PRKCH: variants seen among roughly 807,000 people sequenced by gnomAD.
PRKCH encodes protein kinase C eta.
Under a neutral mutation model 82.5 loss-of-function variants are expected in PRKCH, and 28 were observed. That is an observed-to-expected ratio of 0.34 (90% CI 0.25 to 0.47). PRKCH has a LOEUF of 0.47. Among genes scored for constraint, PRKCH ranks in the 20% least tolerant of loss-of-function variants. The pLI, the probability that PRKCH is intolerant of heterozygous loss-of-function variation, is 1.00. For synonymous variants in PRKCH, 322 were observed against 327.4 expected (o/e 0.98, Z 0.18); for missense variants, 705 against 881.8 (o/e 0.80, Z 2.54).
Position 61,328,256 on chromosome 14 carries a change from C to CAAAAAAAAA in PRKCH, c.363+5809_363+5817dup, listed in dbSNP as rs71117811. ...TGGGCAACAGAGCGAGACTCCGTCT[C>CAAAAAAAAA]AAAAAAAAAAAAAAAAAAAAAAAAA... On this transcript the variant is annotated intron_variant, in intron 1 of 13. Coordinates refer to ENST00000332981, the MANE Select transcript of PRKCH (RefSeq NM_006255.5). 1.2e-4 allele frequency among the ~76,000 whole-genome samples: 9 copies of CAAAAAAAAA among 74,370 alleles called. 1 individual carries two copies. The highest frequency in any genetic ancestry group is 2.4e-4 in the African/African-American group (4 of 16,394). 48.8% of individuals were successfully genotyped at this position (74,370 alleles called of 152,430 possible).
intron 2 of PRKCH, among the ~76,000 whole-genome samples, chr14:61,420,390 C>T (rs1882772238): frequency 6.6e-6 from 1 of 152,208 alleles, no homozygotes; most frequent in African/African-American, 2.4e-5. Context: ...AACTGTACCT[C>T]ATTTATGTGG....
intron 1 of PRKCH, among the ~76,000 whole-genome samples, chr14:61,237,630 CTCTT>C (rs545934831): frequency 1.0e-3 from 155 of 152,330 alleles, no homozygotes; most frequent in African/African-American, 3.6e-3. Flanking sequence ...TTTAGATAAA[CTCTT>C]TCAATCAATC....
intron 1 of PRKCH, among the ~76,000 whole-genome samples, chr14:61,272,344 C>CTTTTTTTTTTTTTTTTT (rs1162331604): frequency 4.2e-4 from 10 of 23,624 alleles, no homozygotes; most frequent in African/African-American, 8.9e-4. Context: ...TTTTTTCTTT[C>CTTTTTTTTTTTTTTTTT]TTTTTTTTTT....
chr14:61,340,120 G>C (rs1346164124), intron 1 of PRKCH, among the ~76,000 whole-genome samples: 4 of 151,568 alleles, frequency 2.6e-5, no homozygotes, highest in Admixed American at 2.6e-4. Context: ...CCTGACAGCT[G>C]TCTGCAGATG....
intron 1 of PRKCH, among the ~76,000 whole-genome samples, chr14:61,221,028 A>C (rs1280296716): frequency 6.6e-6 from 1 of 152,366 alleles, no homozygotes; most frequent in Middle Eastern, 3.4e-3. Context: ...TAAAAATTAC[A>C]TGCTGTGGTG....
intron 9 of PRKCH, among the ~76,000 whole-genome samples, chr14:61,464,082 T>A (rs1187050496): frequency 6.6e-6 from 1 of 152,222 alleles, no homozygotes; most frequent in East Asian, 1.9e-4. Flanking sequence ...TGGATGTATA[T>A]CCAGTATTGG....
chr14:61,321,879 G>T lies in PRKCH; in HGVS notation c.-223G>T, dbSNP rs2045629388. On this transcript the variant is annotated 5_prime_UTR_variant, in exon 1 of 14. Coordinates refer to ENST00000332981, the MANE Select transcript of PRKCH (RefSeq NM_006255.5). This position sits in a 1 kb window ranked among gnomAD's most constrained non-coding sequence, Gnocchi z 4.1. ...GGCTTCCCCGGCCCGCTGAGGGCTC[G>T]GCGGCGGGCTCCCCTCCTTTCCACC... The T allele has an allele frequency of 2.1e-6, 1 of 465,710 alleles. No homozygotes were observed. The highest frequency in any genetic ancestry group is 3.8e-6 in the Non-Finnish European group (1 of 260,540). The allele number at this position is 465,710 out of a possible 1,614,324, so 28.8% of individuals were successfully genotyped here.
At chr14:61,494,770 A>G (rs1296612640) in intron 10 of PRKCH, among the ~76,000 whole-genome samples, 1 of 152,256 alleles carries the variant, frequency 6.6e-6, no homozygotes, top group Admixed American at 6.5e-5. Context: ...GTAATTCTTC[A>G]TAGAAATTGG....
At position 61,453,530 on chromosome 14, in the gene PRKCH, C is replaced by CTCTT. The variant is rs200744396; in HGVS notation, c.960+190_960+193dup. On this transcript the variant is annotated intron_variant, in intron 7 of 13. Transcript: ENST00000332981. ...TCTTTCTTTTTTCTTTTCTTTCTTT[C>CTCTT]TCTTTCTTTCTTTCTTCCTTTCTTT... 0.02 allele frequency among the ~76,000 whole-genome samples: 3,010 copies of CTCTT among 150,322 alleles called. 189 individuals carry two copies. In the East Asian group the frequency reaches 0.26, roughly 13 times the overall value.
intron 7 of PRKCH, among the ~76,000 whole-genome samples, chr14:61,455,932 C>T (rs1201409157): frequency 1.3e-5 from 2 of 152,214 alleles, no homozygotes; most frequent in Admixed American, 1.3e-4. Flanking sequence ...GAAACTAGAA[C>T]TCTCATCATG....
chr14:61,395,225 C>G lies in PRKCH; in HGVS notation c.427+3937C>G, dbSNP rs999400754. Among the ~76,000 whole-genome samples, 5 of 151,406 alleles carry G rather than the reference C, an allele frequency of 3.3e-5. No homozygotes were observed. In the South Asian group the frequency reaches 8.4e-4, roughly 25 times the overall value. On this transcript the variant is annotated intron_variant, in intron 2 of 13. Transcript: ENST00000332981. Reference sequence around the variant, plus strand: ...CACGTTGCTGCTGCCTTTAAAACACCGCTCCCTTGTCACATGCAGAGGACG... The same window carrying G: ...CACGTTGCTGCTGCCTTTAAAACACGGCTCCCTTGTCACATGCAGAGGACG...
At chr14:61,426,528 A>T (rs1012651611) in intron 2 of PRKCH, among the ~76,000 whole-genome samples, 1 of 152,188 alleles carries the variant, frequency 6.6e-6, no homozygotes, top group African/African-American at 2.4e-5. Flanking sequence ...CTTCTTAATA[A>T]TGCTTTGATC....
At chr14:61,548,755 C>T (rs556582424) in intron 13 of PRKCH, among the ~76,000 whole-genome samples, 1 of 150,220 alleles carries the variant, frequency 6.7e-6, no homozygotes, top group Non-Finnish European at 1.5e-5. Context: ...CCCTGCTACT[C>T]AGGAGGCTGA....
At position 61,505,003 on chromosome 14, in the gene PRKCH, G is replaced by A. The variant is rs117434599; in HGVS notation, c.1433+19347G>A. Among the ~76,000 whole-genome samples, 237 of 152,264 alleles carry A rather than the reference G, an allele frequency of 1.6e-3. 1 individual carries two copies. The highest frequency in any genetic ancestry group is 3.7e-3 in the Admixed American group (56 of 15,296). ...ACAGGAAGCAGGCATTCTAGTGTAA[G>A]CACACAAACAAGTAAAAGTAATTAC... On this transcript the variant is annotated intron_variant, in intron 10 of 13. Coordinates refer to ENST00000332981, the MANE Select transcript of PRKCH (RefSeq NM_006255.5).
At chr14:61,223,546 T>C (rs1462259824) in intron 1 of PRKCH, among the ~76,000 whole-genome samples, 3 of 152,176 alleles carry the variant, frequency 2.0e-5, no homozygotes, top group Non-Finnish European at 4.4e-5. Flanking sequence ...ACCCCTGCCC[T>C]CCTCCCTGGG....
intron 1 of PRKCH, among the ~76,000 whole-genome samples, chr14:61,220,334 A>G (rs567282652): frequency 6.6e-6 from 1 of 152,358 alleles, no homozygotes; most frequent in East Asian, 1.9e-4. Context: ...GCTATTGGAC[A>G]AAATGGGAGG....
At chr14:61,210,146 ATATATATATATAT>A (rs2044561755) in intron 1 of PRKCH, among the ~76,000 whole-genome samples, 1 of 71,224 alleles carries the variant, frequency 1.4e-5, no homozygotes, top group Non-Finnish European at 2.7e-5. Flanking sequence ...ATATATATAT[ATATATATATATAT>A]ATAAATTAGC....
intron 10 of PRKCH, among the ~76,000 whole-genome samples, chr14:61,508,387 C>T (rs975548729): frequency 6.6e-6 from 1 of 152,004 alleles, no homozygotes; most frequent in African/African-American, 2.4e-5. Context: ...GTTGTGTTCC[C>T]CTCTAGGTAG....
At chr14:61,481,680 T>C (rs2140324756) in intron 9 of PRKCH, among the ~76,000 whole-genome samples, 1 of 152,332 alleles carries the variant, frequency 6.6e-6, no homozygotes, top group South Asian at 2.1e-4. Context: ...AAAAAAGAAA[T>C]GTCACCCCGA....
Sources: allele counts gnomAD v4.1 joint callset (sites outside exome capture counted in the v4.1 genomes callset), GRCh38; gene constraint gnomAD v4.1.1; non-coding constraint Gnocchi (gnomAD v3.1); transcripts MANE v1.5; gene names NCBI Gene and HGNC (gene_info 2026-07-23, HGNC 2026-07-21).